Variants in GRM8 observed in about 807,000 individuals in gnomAD.
GRM8 encodes the protein glutamate metabotropic receptor 8.
In GRM8, 47 loss-of-function variants were observed where a neutral mutation model predicts 87.2. That is an observed-to-expected ratio of 0.54 (90% confidence interval 0.43 to 0.69). The LOEUF is 0.69. Among genes scored for constraint, GRM8 ranks in the 30% least tolerant of loss-of-function variants. The probability of loss-of-function intolerance (pLI) is 0.00; values close to 1 mark genes in which losing one functional copy is unlikely to be tolerated. For synonymous variants in GRM8, 396 were observed against 404.5 expected, an observed-to-expected ratio of 0.98 and a Z score of 0.25; for missense variants, 1,019 against 1,139.2, an observed-to-expected ratio of 0.89 and a Z score of 1.52.
chr7:126,470,378 C>T (rs949294907), intron 9 of GRM8, among the ~76,000 whole-genome samples: 2 of 128,180 alleles, frequency 1.6e-5, no homozygotes, highest in African/African-American at 5.9e-5. Context: ...GTGTGAGGTT[C>T]CCCTTCCTGT....
intron 7 of GRM8, among the ~76,000 whole-genome samples, chr7:126,614,356 C>T (rs547838431): frequency 6.6e-6 from 1 of 152,246 alleles, no homozygotes; most frequent in South Asian, 2.1e-4. Context: ...AAAGGACATC[C>T]ACACCAAAAC....
intron 9 of GRM8, among the ~76,000 whole-genome samples, chr7:126,454,631 A>G (rs1803022514): frequency 6.6e-6 from 1 of 151,618 alleles, no homozygotes; most frequent in African/African-American, 2.4e-5. Context: ...TCAGAATGTG[A>G]CTGCATTTGA....
intron 3 of GRM8, among the ~76,000 whole-genome samples, chr7:126,933,661 G>T (rs1398711247): frequency 1.3e-5 from 2 of 152,138 alleles, no homozygotes; most frequent in Non-Finnish European, 1.5e-5. Context: ...TCAAATCTTG[G>T]TTCCAACAAT....
chr7:126,712,232 A>G (rs1322704188), intron 7 of GRM8, among the ~76,000 whole-genome samples: 1 of 152,166 alleles, frequency 6.6e-6, no homozygotes, highest in South Asian at 2.1e-4. Flanking sequence ...AGGCCCAAAG[A>G]GAGAAAGAGA....
At chr7:126,586,511 T>C (rs1024659314) in intron 8 of GRM8, among the ~76,000 whole-genome samples, 6 of 152,140 alleles carry the variant, frequency 3.9e-5, no homozygotes, top group Non-Finnish European at 1.5e-5. Context: ...AACAGAGCCC[T>C]CAGAAATAAT....
intron 3 of GRM8, among the ~76,000 whole-genome samples, chr7:127,018,435 A>G (rs1412983728): frequency 7.2e-6 from 1 of 138,748 alleles, no homozygotes; most frequent in Non-Finnish European, 1.5e-5. Context: ...TTTTTTTACC[A>G]TTTCCTCCTC....
At chr7:126,630,796 T>C (rs1409486738) in intron 7 of GRM8, among the ~76,000 whole-genome samples, 1 of 152,156 alleles carries the variant, frequency 6.6e-6, no homozygotes, top group African/African-American at 2.4e-5. Flanking sequence ...ATTATCTCAA[T>C]GGATGCAGAA....
rs556855033 is a variant in GRM8, at chr7:126,899,901, G to A, written c.1156+2641C>T. Among the ~76,000 whole-genome samples the A allele has an allele frequency of 2.0e-5, 3 of 151,532 alleles. No homozygotes were observed. In the South Asian group the frequency reaches 6.3e-4, roughly 32 times the overall value. On this transcript the variant is annotated intron_variant, in intron 6 of 10. Transcript: ENST00000339582. ...GTTCTCTCTCAACCCCTCTAATTTGGTTACCCAGGCACACCCTTATCTCTC... is the reference window on the plus strand; with the variant it reads ...GTTCTCTCTCAACCCCTCTAATTTGATTACCCAGGCACACCCTTATCTCTC...
At chr7:126,567,190 C>T (rs1489329004) in intron 8 of GRM8, among the ~76,000 whole-genome samples, 1 of 151,942 alleles carries the variant, frequency 6.6e-6, no homozygotes, top group Non-Finnish European at 1.5e-5. Flanking sequence ...CTATAGTCAA[C>T]AATAATGTAT....
At chr7:126,927,619 C>T (rs1378431859) in intron 3 of GRM8, among the ~76,000 whole-genome samples, 1 of 152,122 alleles carries the variant, frequency 6.6e-6, no homozygotes, top group African/African-American at 2.4e-5. Context: ...TGAAAAAAAG[C>T]TCATCATCAA....
chr7:127,008,304 C>T (rs532090740), intron 3 of GRM8, among the ~76,000 whole-genome samples: 44 of 152,102 alleles, frequency 2.9e-4, no homozygotes, highest in African/African-American at 9.1e-4. Context: ...CATGTTGCAC[C>T]ACTTAGCAAC....
chr7:127,172,025 C>CAA (rs34801406), intron 2 of GRM8, among the ~76,000 whole-genome samples: 2 of 144,216 alleles, frequency 1.4e-5, no homozygotes, highest in Non-Finnish European at 3.0e-5. Context: ...ATATTACTTG[C>CAA]AAAAAAAAAA....
intron 6 of GRM8, among the ~76,000 whole-genome samples, chr7:126,794,078 A>G (rs904718953): frequency 1.3e-5 from 2 of 152,172 alleles, no homozygotes; most frequent in African/African-American, 4.8e-5. Flanking sequence ...TAAGAAAAAT[A>G]TCGATTTGAA....
chr7:126,849,085 A>G (rs567273502), intron 6 of GRM8, among the ~76,000 whole-genome samples: 2 of 152,252 alleles, frequency 1.3e-5, no homozygotes, highest in East Asian at 1.9e-4. Flanking sequence ...ACCTGCCCCT[A>G]TGATTCAGTT....
At chr7:127,238,118 A>G (rs1798079859) in intron 2 of GRM8, among the ~76,000 whole-genome samples, 1 of 152,090 alleles carries the variant, frequency 6.6e-6, no homozygotes, top group Non-Finnish European at 1.5e-5. Flanking sequence ...TGCAGTACAA[A>G]AGCCCCTGAG....
chr7:126,602,132 G>A (rs1190088257), intron 8 of GRM8, among the ~76,000 whole-genome samples: 2 of 143,828 alleles, frequency 1.4e-5, no homozygotes, highest in Non-Finnish European at 3.1e-5. Context: ...AAGGGATCCA[G>A]TTTGAGCTTT....
At chr7:127,202,512 C>T (rs1795671265) in intron 2 of GRM8, among the ~76,000 whole-genome samples, 1 of 152,164 alleles carries the variant, frequency 6.6e-6, no homozygotes, top group South Asian at 2.1e-4. Context: ...TACGTATTTA[C>T]AAATAAATAT....
Position 126,438,717 on chromosome 7 carries a change from A to G in GRM8, c.*402T>C, listed in dbSNP as rs1801120500. ...GGGCTTCAATCTGGTCAGCCATTAC[A>G]AGAAACAGACTCATTGTCTTATACA... is the stretch of plus-strand genomic sequence containing the variant. On this transcript the variant is annotated 3_prime_UTR_variant, in exon 11 of 11. Transcript: ENST00000339582. 6.2e-6 allele frequency: 1 copy of G among 161,602 alleles called. No individual in the cohort carries two copies. The highest frequency in any genetic ancestry group is 1.9e-4 in the South Asian group (1 of 5,372). The allele number at this position is 161,602 out of a possible 1,614,324, so 10.0% of individuals were successfully genotyped here.
chr7:126,661,207 G>C (rs895992823), intron 7 of GRM8, among the ~76,000 whole-genome samples: 3 of 152,088 alleles, frequency 2.0e-5, no homozygotes, highest in African/African-American at 7.2e-5. Context: ...ATAAACACTT[G>C]AACGGATGGA....
Sources: allele counts gnomAD v4.1 joint callset (sites outside exome capture counted in the v4.1 genomes callset), GRCh38; gene constraint gnomAD v4.1.1; transcripts MANE v1.5; gene names NCBI Gene and HGNC (gene_info 2026-07-23, HGNC 2026-07-21).